Variants in ENC1 observed in about 807,000 individuals in gnomAD.
ENC1 encodes ectodermal-neural cortex 1.
Under a neutral mutation model 40.9 loss-of-function variants are expected in ENC1, and 19 were observed. The observed-to-expected ratio is 0.46, with a 90% CI of 0.32 to 0.68. The LOEUF (loss-of-function observed/expected upper bound fraction) is 0.68. ENC1 is among the 30% of genes least tolerant of loss of function. The pLI, the probability that ENC1 is intolerant of heterozygous loss-of-function variation, is 0.03. For synonymous variants in ENC1, 285 were observed against 291.1 expected (o/e 0.98, Z 0.21); for missense variants, 479 against 737.5 (o/e 0.65, Z 4.06).
Position 74,629,660 on chromosome 5 carries a change from G to T in ENC1, c.*365C>A, listed in dbSNP as rs1045769483. On this transcript the variant is annotated 3_prime_UTR_variant, in exon 3 of 3. Transcript: ENST00000302351. ...TCAAATTCTACACATAAATGGTGGG[G>T]CCCATGGAAATCAAATGCTGAATAT... is the stretch of plus-strand genomic sequence containing the variant. The T allele has an allele frequency of 9.2e-5, 14 of 152,220 alleles. No individual in the cohort carries two copies. The highest frequency in any genetic ancestry group is 1.8e-4 in the Non-Finnish European group (12 of 68,054). The allele number at this position is 152,220 out of a possible 1,614,324, so 9.4% of individuals were successfully genotyped here. A position where few individuals can be genotyped will look rare whatever the true frequency, so the allele number is the denominator to read the frequency against.
In ENC1 at chr5:74,635,064, T is replaced by G. The variant is rs201897189; in HGVS notation, c.1422A>C (p.Val474=). The G allele has an allele frequency of 1.9e-6, 3 of 1,614,212 alleles. No homozygotes were observed. In the African/African-American group the frequency reaches 4.0e-5, roughly 22 times the overall value. Reference sequence around the variant, plus strand: ...GCCAGGGCTGGGGACAGGTGGCCGGTACAGTCCACCTGTTTTCACACTGAT... The same window carrying G: ...GCCAGGGCTGGGGACAGGTGGCCGGGACAGTCCACCTGTTTTCACACTGAT... ...CYDQCENRWT[V]PATCPQPWRY... The change falls in exon 2 of 3, where the codon GTA becomes GTC. Residue 474 remains valine, a synonymous_variant. Transcript: ENST00000302351. The surrounding 1 kb of genome is among the most constrained non-coding windows in gnomAD (Gnocchi z 5.5).
chr5:74,635,151 C>G lies in ENC1; in HGVS notation c.1335G>C (p.Lys445Asn), dbSNP rs1287797708. Residue 445 changes from lysine to asparagine, a missense_variant, in exon 2 of 3, where the codon AAG (lysine) becomes AAC (asparagine). Coordinates refer to ENST00000302351, the MANE Select transcript of ENC1 (RefSeq NM_003633.4). This position sits in a 1 kb window ranked among gnomAD's most constrained non-coding sequence, Gnocchi z 5.5. Reference sequence around the variant, plus strand: ...CACTGGTACCTCCGAAAGCAAATAACTTAAGTTTGGCACTCACTACTGCGG... The same window carrying G: ...CACTGGTACCTCCGAAAGCAAATAAGTTAAGTTTGGCACTCACTACTGCGG... Reference protein sequence around the residue: ...SNAAVVSAKLKLFAFGGTSVS... With the variant: ...SNAAVVSAKLNLFAFGGTSVS... The G allele has an allele frequency of 6.2e-7, 1 of 1,614,232 alleles. No homozygotes were observed. The highest frequency in any genetic ancestry group is 8.5e-7 in the Non-Finnish European group (1 of 1,180,044).
chr5:74,633,255 C>A (rs1019367945), intron 2 of ENC1, among the ~76,000 whole-genome samples: 5 of 152,154 alleles, frequency 3.3e-5, no homozygotes, highest in African/African-American at 9.7e-5. Flanking sequence ...GTGAGCTTTG[C>A]GAACTCTGAA....
At chr5:74,638,764 G>A (rs1160790870) in intron 1 of ENC1, among the ~76,000 whole-genome samples, 4 of 152,220 alleles carry the variant, frequency 2.6e-5, no homozygotes, top group African/African-American at 4.8e-5. Flanking sequence ...TCAATAGACT[G>A]TCTACTTACT....
rs1747591739 is a variant in ENC1 at position 74,636,307 on chromosome 5, T to C, written c.179A>G (p.His60Arg). 6.2e-7 allele frequency: 1 copy of C among 1,614,014 alleles called. No homozygotes were observed. Among genetic ancestry groups the C allele is most frequent in the Non-Finnish European group, 8.5e-7 (1 of 1,180,036 alleles). The change falls in exon 2 of 3, where the codon CAC (histidine) becomes CGC (arginine). Residue 60 changes from histidine to arginine, a missense_variant. Transcript: ENST00000302351. The surrounding 1 kb of genome is among the most constrained non-coding windows in gnomAD (Gnocchi z 4.8). Reference sequence around the variant, plus strand: ...ACTGCATGCAGCCAGCACTGCCCGGTGGCAAGGGAAGGTCCTATTTCCGGC... The same window carrying C: ...ACTGCATGCAGCCAGCACTGCCCGGCGGCAAGGGAAGGTCCTATTTCCGGC... ...LHAGNRTFPC[H>R]RAVLAACSRY...
intron 2 of ENC1, among the ~76,000 whole-genome samples, chr5:74,633,623 C>G (rs1747465720): frequency 6.6e-6 from 1 of 152,162 alleles, no homozygotes; most frequent in Non-Finnish European, 1.5e-5. Context: ...TTTTTAAACC[C>G]TAATCATTCT....
chr5:74,635,316 C>T lies in ENC1; in HGVS notation c.1170G>A (p.Leu390=), dbSNP rs773018893. Residue 390 remains leucine, a synonymous_variant, in exon 2 of 3, where the codon CTG becomes CTA. Transcript: ENST00000302351. This position sits in a 1 kb window ranked among gnomAD's most constrained non-coding sequence, Gnocchi z 5.5. ...GHGSAELKHC[L]YVVGGHTAAT... ...CGGCCGTGTGCCCCCCAACCACATA[C>T]AGGCAGTGCTTCAGTTCAGCAGAGC... The T allele has an allele frequency of 3.1e-6, 5 of 1,614,076 alleles. No individual in the cohort carries two copies. In the African/African-American group the frequency reaches 4.0e-5, roughly 13 times the overall value.
Position 74,636,318 on chromosome 5 carries a change from G to T in ENC1, c.168C>A (p.Thr56=). Residue 56 remains threonine, a synonymous_variant, in exon 2 of 3, where the codon ACC becomes ACA. Coordinates refer to ENST00000302351, the MANE Select transcript of ENC1 (RefSeq NM_003633.4). This position sits in a 1 kb window ranked among gnomAD's most constrained non-coding sequence, Gnocchi z 4.8. ...CCAGCACTGCCCGGTGGCAAGGGAA[G>T]GTCCTATTTCCGGCATGGAGAAGGA... ...TDVLLHAGNR[T]FPCHRAVLAA... 6.2e-7 allele frequency: 1 copy of T among 1,614,168 alleles called. No individual in the cohort carries two copies. The highest frequency in any genetic ancestry group is 1.7e-5 in the Admixed American group (1 of 60,018).
Position 74,635,618 on chromosome 5 carries a change from G to A in ENC1, c.868C>T (p.Pro290Ser), listed in dbSNP as rs753964931. Residue 290 changes from proline to serine, a missense_variant, in exon 2 of 3, where the codon CCT becomes TCT. Physicochemically the swap from Pro to Ser is moderately conservative, Grantham distance 74. Coordinates refer to ENST00000302351, the MANE Select transcript of ENC1 (RefSeq NM_003633.4). This position sits in a 1 kb window ranked among gnomAD's most constrained non-coding sequence, Gnocchi z 5.5. ...DGVVTSLCAR[P>S]RKTGHALFLL... ...AAGAGGGCATGGCCAGTTTTCCGAG[G>A]TCGGGCACAGAGGCTGGTTACCACA... 6.2e-7 allele frequency: 1 copy of A among 1,614,200 alleles called. No homozygotes were observed. Among genetic ancestry groups the A allele is most frequent in the Non-Finnish European group, 8.5e-7 (1 of 1,180,034 alleles).
At position 74,628,974 on chromosome 5, in the gene ENC1, T is replaced by C. The variant is rs992447002; in HGVS notation, c.*1051A>G. ...CTTTCCAAATTTCAGCAGCTGAGAC[T>C]GAATTAAGTAAATCAGATGGGAGTG... On this transcript the variant is annotated 3_prime_UTR_variant, in exon 3 of 3. Transcript: ENST00000302351. 1 of 152,118 alleles carries C rather than the reference T, an allele frequency of 6.6e-6. No homozygotes were observed. Among genetic ancestry groups the C allele is most frequent in the Non-Finnish European group, 1.5e-5 (1 of 68,014 alleles). The allele number at this position is 152,118 out of a possible 1,614,324, so 9.4% of individuals were successfully genotyped here. A position where few individuals can be genotyped will look rare whatever the true frequency, so the allele number is the denominator to read the frequency against.
Position 74,634,412 on chromosome 5 carries a change from A to AAAT in ENC1, c.*32+269_*32+271dup, listed in dbSNP as rs552080426. On this transcript the variant is annotated intron_variant, in intron 2 of 2. Coordinates refer to ENST00000302351, the MANE Select transcript of ENC1 (RefSeq NM_003633.4). ...GGGTGACAGAGCGAGACTCTGTCTC[A>AAAT]AATAATAATAATAATAATAAAATAA... is the stretch of plus-strand genomic sequence containing the variant. Among the ~76,000 whole-genome samples, 719 of 151,986 alleles carry AAAT rather than the reference A, an allele frequency of 4.7e-3. 10 individuals carry two copies. The highest frequency in any genetic ancestry group is 0.016 in the African/African-American group (682 of 41,458).
In ENC1 at chr5:74,635,924, G is replaced by A. The variant is rs772815719; in HGVS notation, c.562C>T (p.Leu188=). 2.4e-5 allele frequency: 38 copies of A among 1,614,042 alleles called. No homozygotes were observed. Among genetic ancestry groups the A allele is most frequent in the Non-Finnish European group, 3.1e-5 (36 of 1,180,022 alleles). ...AGTTGCACTACCATGTCCTGGGGCA[G>A]CTGGAGGAAATCTTCATTCTTCCTG... The part of the protein sequence containing the change: ...TIRKNEDFLQ[L]PQDMVVQLLS... The change falls in exon 2 of 3, where the codon CTG becomes TTG. Residue 188 remains leucine, a synonymous_variant. Transcript: ENST00000302351. The surrounding 1 kb of genome is among the most constrained non-coding windows in gnomAD (Gnocchi z 5.5).
rs529462286 is a variant in ENC1, at chr5:74,631,934, C to A, written c.*33-1942G>T. On this transcript the variant is annotated intron_variant, in intron 2 of 2. Coordinates refer to ENST00000302351, the MANE Select transcript of ENC1 (RefSeq NM_003633.4). ...TCACAGTAAGTTACTACACGTCAAG[C>A]ACTGGGCTAGGTATTTTCGCCTCTT... is the stretch of plus-strand genomic sequence containing the variant. Among the ~76,000 whole-genome samples, 14 of 152,360 alleles carry A rather than the reference C, an allele frequency of 9.2e-5. No homozygotes were observed. In the South Asian group the frequency reaches 2.5e-3, roughly 27 times the overall value.
intron 2 of ENC1, among the ~76,000 whole-genome samples, chr5:74,631,451 G>A (rs1485848296): frequency 6.6e-6 from 1 of 152,134 alleles, no homozygotes; most frequent in Non-Finnish European, 1.5e-5. Flanking sequence ...TTGGGACTGA[G>A]ACCCACCTAC....
Position 74,640,321 on chromosome 5 carries a change from G to C in ENC1, c.-28C>G, listed in dbSNP as rs1202088211. 2 of 152,650 alleles carry C rather than the reference G, an allele frequency of 1.3e-5. No homozygotes were observed. The highest frequency in any genetic ancestry group is 4.8e-5 in the African/African-American group (2 of 41,478). 9.5% of individuals were successfully genotyped at this position (152,650 alleles called of 1,614,324 possible). On this transcript the variant is annotated 5_prime_UTR_variant, in exon 1 of 3. Transcript: ENST00000302351. ...GGGAAACTTACAGCAGTGGCGACTG[G>C]CCGCAACGCACAACTGAGTTCTAGC...
rs144785597 is a variant in ENC1 at position 74,636,319 on chromosome 5, G to T, written c.167C>A (p.Thr56Asn). Residue 56 changes from threonine (T) to asparagine (N), a missense_variant, in exon 2 of 3, where the codon ACC becomes AAC. Physicochemically the swap from Thr to Asn is moderately conservative, Grantham distance 65. Coordinates refer to ENST00000302351, the MANE Select transcript of ENC1 (RefSeq NM_003633.4). The surrounding 1 kb of genome is among the most constrained non-coding windows in gnomAD (Gnocchi z 4.8). ...CAGCACTGCCCGGTGGCAAGGGAAG[G>T]TCCTATTTCCGGCATGGAGAAGGAC... is the stretch of plus-strand genomic sequence containing the variant. ...TDVLLHAGNR[T>N]FPCHRAVLAA... is the part of the protein sequence containing the mutation. The T allele has an allele frequency of 6.2e-7, 1 of 1,614,166 alleles. No homozygotes were observed. Among genetic ancestry groups the T allele is most frequent in the Non-Finnish European group, 8.5e-7 (1 of 1,180,030 alleles).
rs567916408 is a variant in ENC1, at chr5:74,628,009, G to GT, written c.*2015dup. On this transcript the variant is annotated 3_prime_UTR_variant, in exon 3 of 3. Transcript: ENST00000302351. ...TCATCCTGCTTTCAGAAGCCATGCA[G>GT]TGACACATACATCTCTCTTGGCAGA... 1 of 152,664 alleles carries GT rather than the reference G, an allele frequency of 6.6e-6. No individual in the cohort carries two copies. The highest frequency in any genetic ancestry group is 1.5e-5 in the Non-Finnish European group (1 of 68,062). The allele number at this position is 152,664 out of a possible 1,614,324, so 9.5% of individuals were successfully genotyped here. A position where few individuals can be genotyped will look rare whatever the true frequency, so the allele number is the denominator to read the frequency against.
At chr5:74,631,662 C>T (rs1003996019) in intron 2 of ENC1, among the ~76,000 whole-genome samples, 2 of 152,176 alleles carry the variant, frequency 1.3e-5, no homozygotes, top group South Asian at 2.1e-4. Flanking sequence ...TCACTGGTAG[C>T]GCCAAGGGTG....
At chr5:74,631,092 A>T (rs1027222299) in intron 2 of ENC1, among the ~76,000 whole-genome samples, 1 of 152,110 alleles carries the variant, frequency 6.6e-6, no homozygotes, top group Admixed American at 6.5e-5. Context: ...AAGACAATGC[A>T]TATTCAAACA....
Sources: gnomAD v4.1 joint callset for allele counts (sites outside exome capture counted in the v4.1 genomes callset) on GRCh38, gnomAD v4.1.1 for gene constraint, Gnocchi (gnomAD v3.1) non-coding constraint, MANE v1.5 for transcripts, NCBI Gene and HGNC (gene_info 2026-07-23, HGNC 2026-07-21) for gene names.